The following CCSER1 variants were observed in gnomAD, a reference collection of about 807,000 sequenced individuals.
CCSER1 encodes coiled-coil serine rich protein 1.
Under a neutral mutation model 82.0 loss-of-function variants are expected in CCSER1, and 41 were observed. The ratio of observed to expected loss-of-function variants is 0.50; its 90% CI spans 0.39 to 0.65. The LOEUF (loss-of-function observed/expected upper bound fraction) is 0.65, where lower values mean the gene tolerates loss of function less well. Among genes scored for constraint, CCSER1 ranks in the 30% least tolerant of loss-of-function variants. The probability of loss-of-function intolerance (pLI) is 0.00; values close to 1 mark genes in which losing one functional copy is unlikely to be tolerated. For missense variants in CCSER1, 1,119 were observed against 1,064.2 expected, an observed-to-expected ratio of 1.05 and a Z score of -0.72; for synonymous variants, 414 against 383.9, an observed-to-expected ratio of 1.08 and a Z score of -0.92.
intron 8 of CCSER1, among the ~76,000 whole-genome samples, chr4:90,854,988 A>ACT (rs1554029467): frequency 6.6e-6 from 1 of 151,074 alleles, no homozygotes; most frequent in African/African-American, 2.4e-5. Flanking sequence ...GGCACGAGAG[A>ACT]GTGTGTGTGT....
chr4:90,908,269 G>A (rs1725797480), intron 8 of CCSER1, among the ~76,000 whole-genome samples: 1 of 151,916 alleles, frequency 6.6e-6, no homozygotes, highest in African/African-American at 2.4e-5. Flanking sequence ...ATATGCAGAA[G>A]ATTCCAGATG....
chr4:91,442,769 T>C (rs1201929305), intron 10 of CCSER1, among the ~76,000 whole-genome samples: 2 of 146,588 alleles, frequency 1.4e-5, no homozygotes, highest in African/African-American at 5.0e-5. Context: ...CTCAAACAAA[T>C]TTACAAGAAA....
intron 6 of CCSER1, among the ~76,000 whole-genome samples, chr4:90,719,143 T>G (rs146034135): frequency 6.4e-4 from 97 of 152,230 alleles, no homozygotes; most frequent in African/African-American, 2.0e-3. Context: ...TGCTTACAGC[T>G]GCTCCGCATC....
chr4:90,253,408 GTTAA>G (rs965601713), intron 1 of CCSER1, among the ~76,000 whole-genome samples: 6 of 151,944 alleles, frequency 3.9e-5, no homozygotes, highest in African/African-American at 1.5e-4. Context: ...TTCTGTTTTT[GTTAA>G]TTAAAGAATG....
At chr4:90,445,656 G>A (rs1760547317) in intron 4 of CCSER1, among the ~76,000 whole-genome samples, 1 of 152,110 alleles carries the variant, frequency 6.6e-6, no homozygotes, top group African/African-American at 2.4e-5. Flanking sequence ...GTCCTTTCAA[G>A]TAACTAACCT....
At chr4:90,771,597 G>A (rs1752184154) in intron 7 of CCSER1, among the ~76,000 whole-genome samples, 1 of 147,332 alleles carries the variant, frequency 6.8e-6, no homozygotes. Flanking sequence ...AGAAAAAAAT[G>A]CATATTTTTG....
chr4:90,399,457 A>G (rs1279652045), intron 3 of CCSER1, among the ~76,000 whole-genome samples: 1 of 152,134 alleles, frequency 6.6e-6, no homozygotes, highest in Non-Finnish European at 1.5e-5. Context: ...ACTTCCAAGC[A>G]TGGTCTAAAT....
intron 3 of CCSER1, among the ~76,000 whole-genome samples, chr4:90,357,008 A>T (rs1245905455): frequency 6.6e-6 from 1 of 151,944 alleles, no homozygotes; most frequent in Non-Finnish European, 1.5e-5. Context: ...TAAGTATATT[A>T]TAAAACTACT....
At chr4:90,960,332 A>C (rs1733938177) in intron 9 of CCSER1, among the ~76,000 whole-genome samples, 1 of 152,152 alleles carries the variant, frequency 6.6e-6, no homozygotes, top group Non-Finnish European at 1.5e-5. Flanking sequence ...CAGAAACATG[A>C]AATGCCTTGT....
intron 10 of CCSER1, among the ~76,000 whole-genome samples, chr4:91,188,068 TA>T (rs1034640466): frequency 1.1e-4 from 17 of 151,948 alleles, no homozygotes; most frequent in African/African-American, 4.1e-4. Context: ...AGCTAAGCTT[TA>T]AAAAGGAACA....
rs927621889 is a variant in CCSER1 at position 91,599,347 on chromosome 4, A to AT, written c.*296dup. 8.2e-6 allele frequency: 2 copies of AT among 244,300 alleles called. No individual in the cohort carries two copies. The highest frequency in any genetic ancestry group is 4.5e-5 in the African/African-American group (2 of 44,398). The allele number at this position is 244,300 out of a possible 1,614,324, so 15.1% of individuals were successfully genotyped here. A position where few individuals can be genotyped will look rare whatever the true frequency, so the allele number is the denominator to read the frequency against. On this transcript the variant is annotated 3_prime_UTR_variant, in exon 11 of 11. Transcript: ENST00000509176. ...CGTTTATATAGTCCATAATTTATTT[A>AT]TTTTTTATCTCTATCACTTACTGAT... is the stretch of plus-strand genomic sequence containing the variant.
At chr4:90,253,967 C>G (rs192552225) in intron 1 of CCSER1, among the ~76,000 whole-genome samples, 14 of 152,204 alleles carry the variant, frequency 9.2e-5, no homozygotes, top group African/African-American at 2.9e-4. Flanking sequence ...ACAGTCTGAT[C>G]CAATTAAATT....
intron 10 of CCSER1, among the ~76,000 whole-genome samples, chr4:91,466,245 A>T (rs1414447499): frequency 6.6e-6 from 1 of 152,216 alleles, no homozygotes; most frequent in Non-Finnish European, 1.5e-5. Flanking sequence ...AGAACCAAAG[A>T]CAAAAACCAC....
At position 91,604,111 on chromosome 4, in the gene CCSER1, T is replaced by G. The variant is rs1283428291; in HGVS notation, c.*5054T>G. The stretch of plus-strand genomic sequence containing the variant: ...AATAACTAGTTAGGTAATTATTGTT[T>G]TACTCTTTTGTAGATTAGATCAGAG... On this transcript the variant is annotated 3_prime_UTR_variant, in exon 11 of 11. Coordinates refer to ENST00000509176, the MANE Select transcript of CCSER1 (RefSeq NM_001145065.2). 6.6e-6 allele frequency: 1 copy of G among 152,134 alleles called. No homozygotes were observed. Among genetic ancestry groups the G allele is most frequent in the Non-Finnish European group, 1.5e-5 (1 of 68,002 alleles). 9.4% of individuals were successfully genotyped at this position (152,134 alleles called of 1,614,324 possible). A position where few individuals can be genotyped will look rare whatever the true frequency, so the allele number is the denominator to read the frequency against.
intron 4 of CCSER1, among the ~76,000 whole-genome samples, chr4:90,407,611 A>G (rs775550487): frequency 1.3e-5 from 2 of 152,218 alleles, no homozygotes; most frequent in Non-Finnish European, 2.9e-5. Context: ...GAAAAATACT[A>G]GCAAACTAAA....
At chr4:91,261,293 C>T (rs1395518004) in intron 10 of CCSER1, among the ~76,000 whole-genome samples, 1 of 152,206 alleles carries the variant, frequency 6.6e-6, no homozygotes, top group Non-Finnish European at 1.5e-5. Context: ...CCCAAACACA[C>T]CTAGCATTAG....
intron 10 of CCSER1, among the ~76,000 whole-genome samples, chr4:91,113,392 A>C (rs1726257263): frequency 6.6e-6 from 1 of 152,220 alleles, no homozygotes; most frequent in Non-Finnish European, 1.5e-5. Context: ...GTGTGCCAAG[A>C]CTTTTTAAAT....
At chr4:90,232,160 G>C (rs190837509) in intron 1 of CCSER1, among the ~76,000 whole-genome samples, 1 of 152,018 alleles carries the variant, frequency 6.6e-6, no homozygotes, top group Non-Finnish European at 1.5e-5. Context: ...AGCCCACATC[G>C]CCAAGTCAAT....
intron 10 of CCSER1, among the ~76,000 whole-genome samples, chr4:91,542,006 G>A (rs181528996): frequency 6.6e-6 from 1 of 152,090 alleles, no homozygotes; most frequent in Non-Finnish European, 1.5e-5. Context: ...TCATGTGTCT[G>A]TTGGCTGCAT....
Sources: allele counts gnomAD v4.1 joint callset (sites outside exome capture counted in the v4.1 genomes callset), GRCh38; gene constraint gnomAD v4.1.1; transcripts MANE v1.5; gene names NCBI Gene and HGNC (gene_info 2026-07-23, HGNC 2026-07-21).